TUSC3: variants seen among roughly 807,000 people sequenced by gnomAD.
TUSC3 encodes the protein tumor suppressor candidate 3.
A neutral mutation model predicts 44.8 loss-of-function variants in TUSC3; 45 were observed. The observed-to-expected ratio is 1.00, with a 90% CI of 0.79 to 1.29. The LOEUF (loss-of-function observed/expected upper bound fraction) is 1.29. Among genes scored for constraint, TUSC3 ranks in the 50% most tolerant of loss-of-function variants. TUSC3 has a pLI of 0.00. For synonymous variants in TUSC3, 212 were observed against 152.9 expected (o/e 1.39, Z -2.85); for missense variants, 519 against 437.9 (o/e 1.19, Z -1.65).
chr8:15,769,282 T>C (rs1812400808), downstream of TUSC3, among the ~76,000 whole-genome samples: 1 of 152,062 alleles, frequency 6.6e-6, no homozygotes. Context: ...ATACCACACG[T>C]CTACAACCAT....
intron 2 of TUSC3, among the ~76,000 whole-genome samples, chr8:15,498,160 A>C (rs6985300): frequency 0.25 from 38,192 of 152,052 alleles, 5,197 homozygotes; most frequent in Non-Finnish European, 0.31. Context: ...AATTGCTGGG[A>C]TAGTTACCTT....
intron 2 of TUSC3, among the ~76,000 whole-genome samples, chr8:15,624,767 C>T (rs1413088145): frequency 6.6e-6 from 1 of 152,144 alleles, no homozygotes; most frequent in Non-Finnish European, 1.5e-5. Flanking sequence ...CTCCTCATTA[C>T]AGGTCTTTTG....
the TUSC3 span, among the ~76,000 whole-genome samples, chr8:15,790,800 A>G: frequency 6.6e-6 from 1 of 152,178 alleles, no homozygotes; most frequent in African/African-American, 2.4e-5. Flanking sequence ...AAATTAATTC[A>G]ATATGGCTGA....
intron 1 of TUSC3, among the ~76,000 whole-genome samples, chr8:15,621,519 A>T (rs576264390): frequency 6.8e-6 from 1 of 146,352 alleles, no homozygotes; most frequent in African/African-American, 2.5e-5. Context: ...ATATATGTAA[A>T]ATATATATAT....
At position 15,459,289 on chromosome 8, in the gene TUSC3, A is replaced by C. The variant is rs142680562; in HGVS notation, n.92-24097A>C. On this transcript the variant is annotated intron_variant and non_coding_transcript_variant, in intron 1 of 5. Transcript: ENST00000503191. ...TAGTTCAGGAAGTTTTTGTCTTCTA[A>C]AGTGACAATAGAAGTTGTTTTGGAT... Among the ~76,000 whole-genome samples the C allele has an allele frequency of 1.9e-3, 288 of 152,268 alleles. 3 individuals carry two copies. Among genetic ancestry groups the C allele is most frequent in the African/African-American group, 6.4e-3 (267 of 41,564 alleles).
At chr8:15,807,341 AAGT>A in the TUSC3 span, 2 of 399,892 alleles carry the variant, frequency 5.0e-6, no homozygotes, top group Non-Finnish European at 9.2e-6. Flanking sequence ...AAACCAAAAC[AAGT>A]CAACAACCAC....
chr8:15,543,251 G>C (rs970109670), intron 1 of TUSC3, among the ~76,000 whole-genome samples: 6 of 150,738 alleles, frequency 4.0e-5, no homozygotes, highest in African/African-American at 1.2e-4. Flanking sequence ...AAATATTATT[G>C]ACATATGTAC....
chr8:15,449,014 A>C (rs1409430009), intron 1 of TUSC3, among the ~76,000 whole-genome samples: 1 of 152,208 alleles, frequency 6.6e-6, no homozygotes, highest in Non-Finnish European at 1.5e-5. Context: ...CCAGGCCTTC[A>C]CATTCATTTA....
At chr8:15,849,179 A>T in the TUSC3 span, among the ~76,000 whole-genome samples, 181 of 152,312 alleles carry the variant, frequency 1.2e-3, 5 homozygotes, top group South Asian at 0.037. Context: ...AAACATTATA[A>T]TGTAACGTAT....
At chr8:15,639,310 T>A (rs1199791250) in intron 2 of TUSC3, among the ~76,000 whole-genome samples, 1 of 151,718 alleles carries the variant, frequency 6.6e-6, no homozygotes, top group African/African-American at 2.4e-5. Context: ...GATCATGTGT[T>A]GATGCTAGAT....
At chr8:15,689,878 A>ATATG (rs1808823953) in intron 6 of TUSC3, among the ~76,000 whole-genome samples, 1 of 150,550 alleles carries the variant, frequency 6.6e-6, no homozygotes, top group Non-Finnish European at 1.5e-5. Context: ...ATATATATAT[A>ATATG]TATGCATGCC....
the TUSC3 span, among the ~76,000 whole-genome samples, chr8:15,839,910 A>C: frequency 6.6e-6 from 1 of 152,226 alleles, no homozygotes; most frequent in Non-Finnish European, 1.5e-5. Context: ...TCGTGCTGCT[A>C]TAAAGGCACA....
the TUSC3 span, among the ~76,000 whole-genome samples, chr8:15,792,861 C>A: frequency 6.6e-6 from 1 of 152,192 alleles, no homozygotes. Flanking sequence ...TCAAGTTACC[C>A]ACCTGCCTCG....
chr8:15,834,792 T>C, the TUSC3 span, among the ~76,000 whole-genome samples: 1 of 152,206 alleles, frequency 6.6e-6, no homozygotes, highest in Non-Finnish European at 1.5e-5. Flanking sequence ...TATGCTACCA[T>C]TTACATAGTA....
Position 15,640,647 on chromosome 8 carries a change from T to C in TUSC3, c.309-10050T>C, listed in dbSNP as rs183047007. 1.6e-4 allele frequency among the ~76,000 whole-genome samples: 24 copies of C among 152,290 alleles called. No homozygotes were observed. The East Asian group carries it at 2.9e-3, about 18-fold the overall frequency. On this transcript the variant is annotated intron_variant, in intron 2 of 10. Transcript: ENST00000503731. ...CAAAAAGAAACCTCATTTTATAAAT[T>C]TGTGGCTTTTTGTCGTGGAACTGGA... is the stretch of plus-strand genomic sequence containing the variant.
At chr8:15,812,886 GAGTT>G in the TUSC3 span, among the ~76,000 whole-genome samples, 2 of 152,130 alleles carry the variant, frequency 1.3e-5, no homozygotes, top group Non-Finnish European at 2.9e-5. Context: ...ACAAGGTCAA[GAGTT>G]CAAGACCAGC....
At chr8:15,696,970 C>T (rs1037273749) in intron 6 of TUSC3, among the ~76,000 whole-genome samples, 1 of 151,954 alleles carries the variant, frequency 6.6e-6, no homozygotes, top group Non-Finnish European at 1.5e-5. Context: ...CATTCTTGCT[C>T]CTTGTTATTG....
chr8:15,800,574 T>TAA, the TUSC3 span, among the ~76,000 whole-genome samples: 4 of 139,952 alleles, frequency 2.9e-5, no homozygotes, highest in African/African-American at 7.9e-5. Flanking sequence ...ACCCTGTCTT[T>TAA]AAAAAAAAAA....
intron 2 of TUSC3, among the ~76,000 whole-genome samples, chr8:15,626,414 G>A (rs892394219): frequency 6.6e-6 from 1 of 152,222 alleles, no homozygotes; most frequent in Non-Finnish European, 1.5e-5. Flanking sequence ...GCTCCATAGA[G>A]CCAGTGGGAG....
Sources: gnomAD v4.1 joint callset for allele counts (sites outside exome capture counted in the v4.1 genomes callset) on GRCh38, gnomAD v4.1.1 for gene constraint, MANE v1.5 for transcripts, NCBI Gene and HGNC (gene_info 2026-07-23, HGNC 2026-07-21) for gene names.